Variants in TBC1D9B observed in about 807,000 individuals in gnomAD.
TBC1D9B encodes TBC1 domain family member 9B.
In TBC1D9B, 87 loss-of-function variants were observed where a neutral mutation model predicts 121.1. The ratio of observed to expected loss-of-function variants is 0.72; its 90% confidence interval spans 0.60 to 0.86. The LOEUF is 0.86. Among genes scored for constraint, TBC1D9B ranks in the 40% least tolerant of loss-of-function variants. The probability of loss-of-function intolerance (pLI) is 0.00; values close to 1 mark genes in which losing one functional copy is unlikely to be tolerated. For synonymous variants in TBC1D9B, 668 were observed against 670.1 expected, an observed-to-expected ratio of 1.00 and a Z score of 0.05; for missense variants, 1,540 against 1,628.6, an observed-to-expected ratio of 0.95 and a Z score of 0.94.
chr5:179,870,268 G>C lies in TBC1D9B; in HGVS notation c.2712C>G (p.Phe904Leu), dbSNP rs72813746. 12 of 1,613,822 alleles carry C rather than the reference G, an allele frequency of 7.4e-6. No homozygotes were observed. In the South Asian group the frequency reaches 1.1e-4, roughly 15 times the overall value. ...GCAGGCACTCACTCATCCCTGTCAC[G>C]AACTCCTTGAAGTTGATCAGCGAGT... ...NKDSLINFKE[F>L]VTGMSGMYHG... The change falls in exon 16 of 21, where the codon TTC becomes TTG. Residue 904 changes from phenylalanine to leucine, a missense_variant. Physicochemically the swap from Phe to Leu is conservative, Grantham distance 22 (BLOSUM62 0). Coordinates refer to ENST00000355235, the MANE Select transcript of TBC1D9B (RefSeq NM_015043.4).
At position 179,891,370 on chromosome 5, in the gene TBC1D9B, G is replaced by A; in HGVS notation, c.1044+9C>T. The A allele has an allele frequency of 6.2e-7, 1 of 1,614,186 alleles. No individual in the cohort carries two copies. Among genetic ancestry groups the A allele is most frequent in the Non-Finnish European group, 8.5e-7 (1 of 1,180,032 alleles). On this transcript the variant is annotated intron_variant, in intron 6 of 20. Coordinates refer to ENST00000355235, the MANE Select transcript of TBC1D9B (RefSeq NM_015043.4). The surrounding 1 kb of genome is among the most constrained non-coding windows in gnomAD (Gnocchi z 4.3). ...AAAGGCCTTGGCCTCTCAACTAGGG[G>A]ATGCTGACCTCCCTCAGGGGTATGA...
chr5:179,865,649 TG>T lies in TBC1D9B; in HGVS notation c.2914+188del. 2 of 666,454 alleles carry T rather than the reference TG, an allele frequency of 3.0e-6. No individual in the cohort carries two copies. The highest frequency in any genetic ancestry group is 5.1e-6 in the Non-Finnish European group (2 of 391,870). 41.3% of individuals were successfully genotyped at this position (666,454 alleles called of 1,614,324 possible). A position where few individuals can be genotyped will look rare whatever the true frequency, so the allele number is the denominator to read the frequency against. On this transcript the variant is annotated intron_variant, in intron 19 of 20. Coordinates refer to ENST00000355235, the MANE Select transcript of TBC1D9B (RefSeq NM_015043.4). This position sits in a 1 kb window ranked among gnomAD's most constrained non-coding sequence, Gnocchi z 5.1. The stretch of plus-strand genomic sequence containing the variant: ...GAGAAGCTGGCAAGAGAGGGCTGGC[TG>T]GGTGCCCGTGGGGCTGGTGGAGAGC...
At chr5:179,883,796 G>A (rs1760603206) in intron 7 of TBC1D9B, among the ~76,000 whole-genome samples, 3 of 151,280 alleles carry the variant, frequency 2.0e-5, no homozygotes, top group Admixed American at 2.0e-4. Flanking sequence ...TCTTTGTACA[G>A]GGTGTGATCA....
At chr5:179,879,854 C>T (rs185200191) in intron 7 of TBC1D9B, 65 bp from the exon 8 acceptor site, 3 of 1,506,052 alleles carry the variant, frequency 2.0e-6, no homozygotes, top group East Asian at 4.7e-5. Flanking sequence ...TCTGATGCGC[C>T]CATCCATCCA....
chr5:179,867,694 T>C, intron 18 of TBC1D9B, 84 bp downstream of exon 18: 1 of 1,583,816 alleles, frequency 6.3e-7, no homozygotes. Flanking sequence ...GTGGGACTGC[T>C]GGCCACTGCC....
chr5:179,888,887 A>T (rs576789652), intron 6 of TBC1D9B, among the ~76,000 whole-genome samples: 3 of 152,176 alleles, frequency 2.0e-5, no homozygotes, highest in African/African-American at 7.2e-5. Context: ...CTGAGCTGAG[A>T]CCTGGTCCAG....
chr5:179,875,987 C>G lies in TBC1D9B; in HGVS notation c.1833G>C (p.Glu611Asp), dbSNP rs1760349738. The G allele has an allele frequency of 6.2e-7, 1 of 1,612,330 alleles. No individual in the cohort carries two copies. The highest frequency in any genetic ancestry group is 8.5e-7 in the Non-Finnish European group (1 of 1,179,460). The change falls in exon 11 of 21, where the codon GAG becomes GAC. Residue 611 changes from glutamate to aspartate, a missense_variant. Glu to Asp is a conservative substitution (Grantham distance 45). Coordinates refer to ENST00000355235, the MANE Select transcript of TBC1D9B (RefSeq NM_015043.4). This position sits in a 1 kb window ranked among gnomAD's most constrained non-coding sequence, Gnocchi z 4.5. ...ACAGGGCCACCAGGAGCCAGAAGGCCTCCTCCTCACTGCCATAGAGCAGGA... is the reference window on the plus strand; with the variant it reads ...ACAGGGCCACCAGGAGCCAGAAGGCGTCCTCCTCACTGCCATAGAGCAGGA... ...SVLLLYGSEE[E>D]AFWLLVALCE...
rs544973210 is a variant in TBC1D9B at position 179,869,682 on chromosome 5, CCA to C, written c.2791+85_2791+86del. On this transcript the variant is annotated intron_variant, in intron 17 of 20. Transcript: ENST00000355235. ...GACGCTGCTGTGCCCCCTCGAGGCCCCACAGTCTCACAGAGGCCTGTCCTCTG... is the reference window on the plus strand; with the variant it reads ...GACGCTGCTGTGCCCCCTCGAGGCCCCAGTCTCACAGAGGCCTGTCCTCTG... 2,277 of 1,469,110 alleles carry C rather than the reference CCA, an allele frequency of 1.5e-3. 41 individuals carry two copies. In the South Asian group the frequency reaches 0.019, roughly 12 times the overall value. The allele number at this position is 1,469,110 out of a possible 1,614,324, so 91.0% of individuals were successfully genotyped here.
chr5:179,887,258 T>C (rs766412455), intron 7 of TBC1D9B, among the ~76,000 whole-genome samples: 1 of 152,210 alleles, frequency 6.6e-6, no homozygotes. Flanking sequence ...GACAGTAGCA[T>C]AGAGAGGTGG....
intron 2 of TBC1D9B, 32 bp from the exon 3 acceptor site, chr5:179,899,339 T>C: frequency 6.3e-7 from 1 of 1,586,288 alleles, no homozygotes. Context: ...AAAAGAAAAA[T>C]CATGAATTCC....
Position 179,875,283 on chromosome 5 carries a change from C to A in TBC1D9B, c.1901-96G>T. On this transcript the variant is annotated intron_variant, in intron 11 of 20. Coordinates refer to ENST00000355235, the MANE Select transcript of TBC1D9B (RefSeq NM_015043.4). This position sits in a 1 kb window ranked among gnomAD's most constrained non-coding sequence, Gnocchi z 4.5. ...ACGAGCCCTGGCCACTCCAGCCCTGCCAGCTGTGCAGTGAGGGCTGAGGGA... is the reference window on the plus strand; with the variant it reads ...ACGAGCCCTGGCCACTCCAGCCCTGACAGCTGTGCAGTGAGGGCTGAGGGA... 6.9e-7 allele frequency: 1 copy of A among 1,457,280 alleles called. No homozygotes were observed. The highest frequency in any genetic ancestry group is 2.4e-5 in the East Asian group (1 of 42,468). 90.3% of individuals were successfully genotyped at this position (1,457,280 alleles called of 1,614,324 possible). A position where few individuals can be genotyped will look rare whatever the true frequency, so the allele number is the denominator to read the frequency against.
chr5:179,907,229 A>C lies in TBC1D9B; in HGVS notation c.118+475T>G, dbSNP rs1045098105. Among the ~76,000 whole-genome samples the C allele has an allele frequency of 2.0e-5, 3 of 152,154 alleles. No homozygotes were observed. Among genetic ancestry groups the C allele is most frequent in the African/African-American group, 7.2e-5 (3 of 41,446 alleles). On this transcript the variant is annotated intron_variant, in intron 1 of 20. Coordinates refer to ENST00000355235, the MANE Select transcript of TBC1D9B (RefSeq NM_015043.4). This position sits in a 1 kb window ranked among gnomAD's most constrained non-coding sequence, Gnocchi z 5.3. Reference sequence around the variant, plus strand: ...CTCCAGGGACCTCTGATCTTGCTAAAAGGGCGATACTTTGGTGAGATGGGC... The same window carrying C: ...CTCCAGGGACCTCTGATCTTGCTAACAGGGCGATACTTTGGTGAGATGGGC...
rs1352257765 is a variant in TBC1D9B, at chr5:179,871,675, C to T, written c.2416-145G>A. ...GCCCAGCACTCAAGGGCGGACCCTTCGGGAGAGAGCGAGGCCCACAGCCCA... is the reference window on the plus strand; with the variant it reads ...GCCCAGCACTCAAGGGCGGACCCTTTGGGAGAGAGCGAGGCCCACAGCCCA... On this transcript the variant is annotated intron_variant, in intron 14 of 20. Coordinates refer to ENST00000355235, the MANE Select transcript of TBC1D9B (RefSeq NM_015043.4). 19 of 763,888 alleles carry T rather than the reference C, an allele frequency of 2.5e-5. 1 individual carries two copies. Among genetic ancestry groups the T allele is most frequent in the African/African-American group, 1.0e-4 (6 of 57,912 alleles). 47.3% of individuals were successfully genotyped at this position (763,888 alleles called of 1,614,324 possible). A position where few individuals can be genotyped will look rare whatever the true frequency, so the allele number is the denominator to read the frequency against.
Position 179,899,227 on chromosome 5 carries a change from C to A in TBC1D9B, c.310G>T (p.Glu104Ter). 5 of 1,614,026 alleles carry A rather than the reference C, an allele frequency of 3.1e-6. No individual in the cohort carries two copies. The highest frequency in any genetic ancestry group is 4.2e-6 in the Non-Finnish European group (5 of 1,180,000). The change falls in exon 3 of 21, where the codon GAG (glutamate) becomes TAG (stop). Residue 104 changes from glutamate (E) to a stop codon, truncating the protein, a stop_gained. Transcript: ENST00000355235. LOFTEE classifies it high-confidence loss of function. ...LLQTLSIFDS[E>*]EDITTFVKGK... ...TTGACGAAGGTGGTGATATCTTCCT[C>A]ACTGTCGAAGATGGACAGTGTCTGG... is the stretch of plus-strand genomic sequence containing the variant.
chr5:179,862,328 G>A lies in TBC1D9B; in HGVS notation c.*1120C>T. ...ATGTGGGGGCTAACACTGGACACTGGTCAGTTTCAGCTCCTCATGCAAAGT... is the reference window on the plus strand; with the variant it reads ...ATGTGGGGGCTAACACTGGACACTGATCAGTTTCAGCTCCTCATGCAAAGT... On this transcript the variant is annotated 3_prime_UTR_variant, in exon 21 of 21. Transcript: ENST00000355235. 6.3e-6 allele frequency: 2 copies of A among 318,520 alleles called. No homozygotes were observed. Among genetic ancestry groups the A allele is most frequent in the Non-Finnish European group, 1.3e-5 (2 of 153,790 alleles). The allele number at this position is 318,520 out of a possible 1,614,324, so 19.7% of individuals were successfully genotyped here. A position where few individuals can be genotyped will look rare whatever the true frequency, so the allele number is the denominator to read the frequency against.
chr5:179,879,578 T>C, intron 8 of TBC1D9B, 50 bp downstream of exon 8: 2 of 1,612,604 alleles, frequency 1.2e-6, no homozygotes, highest in Non-Finnish European at 1.7e-6. Flanking sequence ...GCTTTCCTCC[T>C]GAGGGCTCCG....
In TBC1D9B at chr5:179,904,592, T is replaced by C. The variant is rs1761259255; in HGVS notation, c.229+110A>G. On this transcript the variant is annotated intron_variant, in intron 2 of 20. Transcript: ENST00000355235. This position sits in a 1 kb window ranked among gnomAD's most constrained non-coding sequence, Gnocchi z 4.2. Reference sequence around the variant, plus strand: ...TCCCTCTTGCAGCCTTGGGCTATGCTGTCAGCAGGGAATACCACCCAGACA... The same window carrying C: ...TCCCTCTTGCAGCCTTGGGCTATGCCGTCAGCAGGGAATACCACCCAGACA... 1.1e-6 allele frequency: 1 copy of C among 933,244 alleles called. No homozygotes were observed. Among genetic ancestry groups the C allele is most frequent in the South Asian group, 1.5e-5 (1 of 66,458 alleles). 57.8% of individuals were successfully genotyped at this position (933,244 alleles called of 1,614,324 possible). A position where few individuals can be genotyped will look rare whatever the true frequency, so the allele number is the denominator to read the frequency against.
rs780236191 is a variant in TBC1D9B at position 179,869,832 on chromosome 5, C to T, written c.2728G>A (p.Gly910Arg). 7 of 1,547,750 alleles carry T rather than the reference C, an allele frequency of 4.5e-6. No homozygotes were observed. Among genetic ancestry groups the T allele is most frequent in the East Asian group, 4.5e-5 (2 of 44,266 alleles). Residue 910 changes from glycine (G) to arginine (R), a missense_variant and splice_region_variant, in exon 17 of 21, where the codon GGG (glycine) becomes AGG (arginine). Physicochemically the swap from Gly to Arg is moderately radical, Grantham distance 125. Coordinates refer to ENST00000355235, the MANE Select transcript of TBC1D9B (RefSeq NM_015043.4). The part of the protein sequence containing the change: ...NFKEFVTGMS[G>R]MYHGDLTEKL... ...TCTGTCAGGTCCCCGTGGTACATCC[C>T]GCCTGTGGAGAAGGCCAGGGAGGGC...
At chr5:179,866,981 A>G (rs1029035692) in intron 18 of TBC1D9B, 1 of 162,376 alleles carries the variant, frequency 6.2e-6, no homozygotes, top group South Asian at 1.7e-4. Flanking sequence ...GATGCTCCCA[A>G]CAGGCTTTAA....
Sources: allele counts gnomAD v4.1 joint callset (sites outside exome capture counted in the v4.1 genomes callset), GRCh38; gene constraint gnomAD v4.1.1; non-coding constraint Gnocchi (gnomAD v3.1); transcripts MANE v1.5; gene names NCBI Gene and HGNC (gene_info 2026-07-23, HGNC 2026-07-21).